APIP: variants seen among roughly 807,000 people sequenced by gnomAD.
APIP encodes methylthioribulose-1-phosphate dehydratase.
Under a neutral mutation model 32.0 loss-of-function variants are expected in APIP, and 32 were observed. That is an observed-to-expected ratio of 1.00 (90% CI 0.76 to 1.34). The LOEUF is 1.34. Ranked by LOEUF, APIP falls within the 40% of genes most tolerant of loss-of-function variation. APIP has a pLI of 0.00. For missense variants in APIP, 247 were observed against 298.6 expected (o/e 0.83, Z 1.27); for synonymous variants, 92 against 94.8 (o/e 0.97, Z 0.17).
chr11:34,915,055 A>G (rs1195933134), intron 1 of APIP, among the ~76,000 whole-genome samples: 3 of 125,064 alleles, frequency 2.4e-5, no homozygotes, highest in Non-Finnish European at 5.1e-5. Context: ...ATGAACATTG[A>G]GTGCAGCAAA....
intron 1 of APIP, among the ~76,000 whole-genome samples, chr11:34,908,496 C>T (rs1045584335): frequency 2.0e-5 from 3 of 152,174 alleles, no homozygotes; most frequent in African/African-American, 7.2e-5. Context: ...ACTTGAATGC[C>T]CCAGCTCTCT....
chr11:34,901,758 C>T (rs562454403), intron 1 of APIP, among the ~76,000 whole-genome samples: 1 of 152,260 alleles, frequency 6.6e-6, no homozygotes, highest in African/African-American at 2.4e-5. Flanking sequence ...TTTGTCTCCC[C>T]CGATGGAAGC....
chr11:34,888,963 A>G, intron 3 of APIP, 94 bp from the exon 4 acceptor site: 1 of 668,126 alleles, frequency 1.5e-6, no homozygotes, highest in Non-Finnish European at 2.3e-6. Context: ...TAAGAATACA[A>G]GAAAGTTTAT....
intron 2 of APIP, among the ~76,000 whole-genome samples, chr11:34,891,797 C>T (rs996594612): frequency 1.3e-5 from 2 of 152,270 alleles, no homozygotes; most frequent in East Asian, 1.9e-4. Flanking sequence ...TCCTCTGCAA[C>T]CAGTGAGAAT....
chr11:34,896,069 G>A (rs2985387), intron 1 of APIP, among the ~76,000 whole-genome samples: 91,351 of 152,040 alleles, frequency 0.6, 28,476 homozygotes, highest in East Asian at 0.74. Flanking sequence ...CACACCAGTT[G>A]GAATGGCGAT....
Position 34,888,434 on chromosome 11 carries a change from G to C in APIP, c.326-6C>G. 3 of 1,603,380 alleles carry C rather than the reference G, an allele frequency of 1.9e-6. No individual in the cohort carries two copies. Among genetic ancestry groups the C allele is most frequent in the Non-Finnish European group, 2.5e-6 (3 of 1,176,894 alleles). ...ATGAATCACTGCACCTGCTCCTGAA[G>C]GAGGAAGAAGAAAGCCGCATGCTCA... On this transcript the variant is annotated splice_polypyrimidine_tract_variant and splice_region_variant and intron_variant, in intron 4 of 6. Transcript: ENST00000395787.
At chr11:34,910,644 C>G (rs1390830614) in intron 1 of APIP, among the ~76,000 whole-genome samples, 2 of 151,870 alleles carry the variant, frequency 1.3e-5, no homozygotes, top group Non-Finnish European at 2.9e-5. Context: ...TGTAATAATA[C>G]CACTGATAAT....
Position 34,888,653 on chromosome 11 carries a change from G to A in APIP, c.325+99C>T, listed in dbSNP as rs115074182. On this transcript the variant is annotated intron_variant, in intron 4 of 6. Coordinates refer to ENST00000395787, the MANE Select transcript of APIP (RefSeq NM_015957.4). ...TCATGCACTTCAAGTTCTTGCACAT[G>A]GTGGGTATCCAAGAAATGTTAACTG... 717 of 1,150,982 alleles carry A rather than the reference G, an allele frequency of 6.2e-4. 3 individuals carry two copies. In the African/African-American group the frequency reaches 0.011, roughly 17 times the overall value. 71.3% of individuals were successfully genotyped at this position (1,150,982 alleles called of 1,614,324 possible).
chr11:34,906,071 T>C (rs1853447493), intron 1 of APIP, among the ~76,000 whole-genome samples: 1 of 152,176 alleles, frequency 6.6e-6, no homozygotes, highest in Admixed American at 6.5e-5. Flanking sequence ...GCCCCTATTA[T>C]ATGTAAAGAA....
chr11:34,885,280 A>C (rs899708089), intron 5 of APIP, among the ~76,000 whole-genome samples: 1 of 148,942 alleles, frequency 6.7e-6, no homozygotes, highest in African/African-American at 2.4e-5. Flanking sequence ...TATACATATA[A>C]CTATACATAT....
intron 1 of APIP, among the ~76,000 whole-genome samples, chr11:34,897,067 G>T (rs1412537106): frequency 6.6e-6 from 1 of 152,148 alleles, no homozygotes; most frequent in Non-Finnish European, 1.5e-5. Context: ...TTCAAAAAGC[G>T]ATCATTATTT....
chr11:34,894,950 G>T, intron 2 of APIP, 60 bp downstream of exon 2: 1 of 1,411,094 alleles, frequency 7.1e-7, no homozygotes, highest in South Asian at 1.2e-5. Context: ...TAACACATTA[G>T]ACTTGCTGTG....
rs144575715 is a variant in APIP, at chr11:34,913,985, C to T, written c.57+2243G>A. On this transcript the variant is annotated intron_variant, in intron 1 of 6. Transcript: ENST00000395787. ...GAACACCAAACTTAATATGGGAACA[C>T]ACCATGTCTGTAATCAAGGACAACC... 3.0e-4 allele frequency among the ~76,000 whole-genome samples: 45 copies of T among 152,324 alleles called. No homozygotes were observed. The East Asian group carries it at 8.1e-3, about 27-fold the overall frequency.
chr11:34,904,681 A>C (rs1853416468), intron 1 of APIP, among the ~76,000 whole-genome samples: 2 of 152,186 alleles, frequency 1.3e-5, no homozygotes, highest in Non-Finnish European at 1.5e-5. Context: ...GTACTTGTAA[A>C]GGCTCTCCCT....
chr11:34,894,921 A>G (rs1229417792), intron 2 of APIP, 89 bp downstream of exon 2: 1 of 1,152,062 alleles, frequency 8.7e-7, no homozygotes, highest in African/African-American at 1.5e-5. Context: ...AAAACTGATC[A>G]TCAGTTGTTC....
chr11:34,885,675 C>G (rs563274374), intron 5 of APIP, among the ~76,000 whole-genome samples: 1 of 152,174 alleles, frequency 6.6e-6, no homozygotes, highest in East Asian at 1.9e-4. Flanking sequence ...TGGATAACTT[C>G]AAGGAGCCCG....
chr11:34,902,855 A>G (rs766817723), intron 1 of APIP, among the ~76,000 whole-genome samples: 11 of 152,348 alleles, frequency 7.2e-5, no homozygotes, highest in Middle Eastern at 3.4e-3. Flanking sequence ...CCAGCTCAAC[A>G]GTCAATGGGT....
intron 1 of APIP, among the ~76,000 whole-genome samples, chr11:34,905,213 A>G (rs939965472): frequency 2.6e-5 from 4 of 152,246 alleles, no homozygotes; most frequent in Non-Finnish European, 5.9e-5. Flanking sequence ...GCGTTTTACT[A>G]TCACTCAGTC....
At chr11:34,887,446 G>A (rs1446954955) in intron 5 of APIP, among the ~76,000 whole-genome samples, 3 of 152,168 alleles carry the variant, frequency 2.0e-5, no homozygotes, top group African/African-American at 7.2e-5. Flanking sequence ...TCACAGTCCT[G>A]AGGAATGCTT....
Sources: gnomAD v4.1 joint callset for allele counts (sites outside exome capture counted in the v4.1 genomes callset) on GRCh38, gnomAD v4.1.1 for gene constraint, MANE v1.5 for transcripts, NCBI Gene and HGNC (gene_info 2026-07-23, HGNC 2026-07-21) for gene names.